Variants in KLKB1 observed in about 807,000 individuals in gnomAD.
KLKB1 encodes plasma kallikrein.
In KLKB1, 58 loss-of-function variants were observed where a neutral mutation model predicts 73.6. The ratio of observed to expected loss-of-function variants is 0.79; its 90% CI spans 0.64 to 0.98. The LOEUF (loss-of-function observed/expected upper bound fraction) is 0.98, where lower values mean the gene tolerates loss of function less well. Among genes scored for constraint, KLKB1 ranks in the 50% least tolerant of loss-of-function variants. The probability of loss-of-function intolerance (pLI) is 0.00; values close to 1 mark genes in which losing one functional copy is unlikely to be tolerated. For synonymous variants in KLKB1, 280 were observed against 258.1 expected (o/e 1.08, Z -0.81); for missense variants, 737 against 763.8 (o/e 0.96, Z 0.41).
At chr4:186,212,320 A>G (rs1007062854) in intron 2 of KLKB1, 3 of 152,196 alleles carry the variant, frequency 2.0e-5, no homozygotes, top group Admixed American at 6.6e-5. Context: ...CCATTCATCT[A>G]TATTTAGTAA....
chr4:186,234,388 C>T (rs756472710), intron 4 of KLKB1, among the ~76,000 whole-genome samples: 1 of 152,176 alleles, frequency 6.6e-6, no homozygotes, highest in Non-Finnish European at 1.5e-5. Flanking sequence ...CTCAAGTTCA[C>T]TTGAGGGTAA....
At chr4:186,245,933 G>A (rs1738322247) in intron 6 of KLKB1, among the ~76,000 whole-genome samples, 1 of 151,290 alleles carries the variant, frequency 6.6e-6, no homozygotes. Context: ...CAGGGTTGCT[G>A]CCAAACGGGC....
chr4:186,251,192 T>A, intron 7 of KLKB1, 27 bp from the exon 8 acceptor site: 4 of 1,478,174 alleles, frequency 2.7e-6, no homozygotes, highest in Non-Finnish European at 3.8e-6. Context: ...TCTTTCTTTC[T>A]CTCTTGCTTT....
Position 186,249,494 on chromosome 4 carries a change from TAC to T in KLKB1, c.599-743_599-742del, listed in dbSNP as rs1385613705. 2.0e-5 allele frequency among the ~76,000 whole-genome samples: 3 copies of T among 152,324 alleles called. No individual in the cohort carries two copies. The East Asian group carries it at 5.8e-4, about 29-fold the overall frequency. On this transcript the variant is annotated intron_variant, in intron 6 of 14. Transcript: ENST00000264690. ...TATATATGCCTATCCTAATGCCAGT[TAC>T]ACACAGTCTTGATTACCATAACTTT...
intron 2 of KLKB1, among the ~76,000 whole-genome samples, chr4:186,219,699 C>T (rs1371836099): frequency 6.6e-6 from 1 of 152,158 alleles, no homozygotes; most frequent in Non-Finnish European, 1.5e-5. Context: ...CTTTTGCCTT[C>T]AGCAAGCATC....
upstream of KLKB1, among the ~76,000 whole-genome samples, chr4:186,222,304 T>A (rs116584197): frequency 5.2e-3 from 788 of 152,346 alleles, 2 homozygotes; most frequent in Non-Finnish European, 8.2e-3. Context: ...TGTTGTTAAT[T>A]GTTTTCTGAT....
upstream of KLKB1, among the ~76,000 whole-genome samples, chr4:186,226,124 C>G (rs947940578): frequency 2.0e-5 from 3 of 151,878 alleles, no homozygotes; most frequent in African/African-American, 7.3e-5. Flanking sequence ...TTTATGGTTC[C>G]TATCTATCTT....
chr4:186,248,312 G>A (rs1364369631), intron 6 of KLKB1, among the ~76,000 whole-genome samples: 1 of 150,662 alleles, frequency 6.6e-6, no homozygotes, highest in Non-Finnish European at 1.5e-5. Context: ...TTTCCCATTG[G>A]CCGTCTTTCT....
intron 2 of KLKB1, among the ~76,000 whole-genome samples, chr4:186,217,757 T>C (rs906918264): frequency 6.6e-6 from 1 of 152,194 alleles, no homozygotes; most frequent in Middle Eastern, 3.2e-3. Context: ...TATTTCAGTA[T>C]ACAGGAAGTT....
At chr4:186,214,700 A>G (rs1347614972) in intron 2 of KLKB1, among the ~76,000 whole-genome samples, 1 of 152,108 alleles carries the variant, frequency 6.6e-6, no homozygotes, top group Non-Finnish European at 1.5e-5. Flanking sequence ...CTCTAATTAA[A>G]CCAGGTTCAT....
intron 10 of KLKB1, 73 bp downstream of exon 10, chr4:186,251,934 A>G: frequency 6.2e-7 from 1 of 1,607,084 alleles, no homozygotes; most frequent in Non-Finnish European, 8.5e-7. Flanking sequence ...GTCTTAAGGA[A>G]TTATGTGTCT....
chr4:186,217,975 A>T (rs1399903309), intron 2 of KLKB1, among the ~76,000 whole-genome samples: 1 of 152,202 alleles, frequency 6.6e-6, no homozygotes, highest in Non-Finnish European at 1.5e-5. Context: ...GTCAGATAGT[A>T]AATCTTCTTG....
chr4:186,256,999 CTGTGTGTGTGTG>C (rs921403950), intron 13 of KLKB1, among the ~76,000 whole-genome samples: 1 of 56,986 alleles, frequency 1.8e-5, no homozygotes, highest in South Asian at 3.1e-4. Flanking sequence ...CTCTCTCTCT[CTGTGTGTGTGTG>C]TGTGTGTGTG....
upstream of KLKB1, among the ~76,000 whole-genome samples, chr4:186,223,138 C>T (rs1737066786): frequency 2.0e-5 from 3 of 152,260 alleles, no homozygotes; most frequent in South Asian, 4.1e-4. Flanking sequence ...TTCCTGAGGC[C>T]TCCCCAGCCA....
chr4:186,258,305 C>T lies in KLKB1; in HGVS notation c.*93C>T. 3.7e-6 allele frequency: 4 copies of T among 1,074,728 alleles called. No homozygotes were observed. Among genetic ancestry groups the T allele is most frequent in the South Asian group, 2.7e-5 (2 of 74,474 alleles). 66.6% of individuals were successfully genotyped at this position (1,074,728 alleles called of 1,614,324 possible). ...CTCATCTGCAAAGCATGGAGAGTGGCATCTTCTTTGCATCCTAAGGACGAA... is the reference window on the plus strand; with the variant it reads ...CTCATCTGCAAAGCATGGAGAGTGGTATCTTCTTTGCATCCTAAGGACGAA... On this transcript the variant is annotated 3_prime_UTR_variant, in exon 15 of 15. Coordinates refer to ENST00000264690, the MANE Select transcript of KLKB1 (RefSeq NM_000892.5).
chr4:186,223,317 A>G (rs1036736356), upstream of KLKB1, among the ~76,000 whole-genome samples: 7 of 152,386 alleles, frequency 4.6e-5, no homozygotes, highest in South Asian at 2.1e-4. Flanking sequence ...ACTGGGTAAC[A>G]GGCAGAGGTT....
chr4:186,250,230 T>C lies in KLKB1; in HGVS notation c.599-13T>C. On this transcript the variant is annotated splice_polypyrimidine_tract_variant and intron_variant, in intron 6 of 14. Coordinates refer to ENST00000264690, the MANE Select transcript of KLKB1 (RefSeq NM_000892.5). ...CATTTCCTAAGGAACATCTTCTCTCTGTGAGTTCACAGGTTGCCACATGAA... is the reference window on the plus strand; with the variant it reads ...CATTTCCTAAGGAACATCTTCTCTCCGTGAGTTCACAGGTTGCCACATGAA... 2 of 1,613,380 alleles carry C rather than the reference T, an allele frequency of 1.2e-6. No individual in the cohort carries two copies. The highest frequency in any genetic ancestry group is 1.7e-6 in the Non-Finnish European group (2 of 1,179,292).
At chr4:186,256,228 T>C (rs1738986776) in intron 13 of KLKB1, 141 bp downstream of exon 13, 1 of 688,498 alleles carries the variant, frequency 1.5e-6, no homozygotes, top group Admixed American at 2.6e-5. Flanking sequence ...CAAATATTTA[T>C]TCAGTTATTC....
At chr4:186,250,436 G>A (rs536698609) in intron 7 of KLKB1, 34 bp downstream of exon 7, 98 of 1,606,886 alleles carry the variant, frequency 6.1e-5, no homozygotes, top group African/African-American at 1.7e-4. Context: ...TCACAAAGGC[G>A]AGTATGCATG....
Sources: gnomAD v4.1 joint callset for allele counts (sites outside exome capture counted in the v4.1 genomes callset) on GRCh38, gnomAD v4.1.1 for gene constraint, MANE v1.5 for transcripts, NCBI Gene and HGNC (gene_info 2026-07-23, HGNC 2026-07-21) for gene names.